CPLX2: variants seen among roughly 807,000 people sequenced by gnomAD.
CPLX2 encodes the protein complexin-2.
Under a neutral mutation model 16.3 loss-of-function variants are expected in CPLX2, and 5 were observed. The ratio of observed to expected loss-of-function variants is 0.31; its 90% CI spans 0.16 to 0.64. CPLX2 has a LOEUF of 0.64. Among genes scored for constraint, CPLX2 ranks in the 30% least tolerant of loss-of-function variants. The pLI is 0.79. For missense variants in CPLX2, 144 were observed against 181.4 expected (o/e 0.79, Z 1.18); for synonymous variants, 89 against 73.2 (o/e 1.22, Z -1.10).
chr5:175,865,090 G>GAAA (rs1561787835), intron 2 of CPLX2, among the ~76,000 whole-genome samples: 1 of 151,174 alleles, frequency 6.6e-6, no homozygotes, highest in Non-Finnish European at 1.5e-5. Flanking sequence ...GTGCGCGCGC[G>GAAA]CACACACACA....
chr5:175,861,031 A>G (rs1003158395), intron 2 of CPLX2, among the ~76,000 whole-genome samples: 5 of 151,266 alleles, frequency 3.3e-5, no homozygotes, highest in Middle Eastern at 7.1e-3. Flanking sequence ...AGGCAAGTGC[A>G]AGATTTAAAC....
intron 2 of CPLX2, among the ~76,000 whole-genome samples, chr5:175,819,834 G>A (rs904710360): frequency 6.6e-6 from 1 of 152,238 alleles, no homozygotes; most frequent in Admixed American, 6.5e-5. Flanking sequence ...CACAGAGGGT[G>A]CGGAGAGGAC....
intron 2 of CPLX2, among the ~76,000 whole-genome samples, chr5:175,825,091 G>A (rs1352277108): frequency 2.0e-5 from 3 of 151,852 alleles, no homozygotes; most frequent in African/African-American, 7.3e-5. Context: ...CTAGGGTACA[G>A]AGAAGCTTTA....
intron 2 of CPLX2, chr5:175,837,815 G>A (rs1321681886): frequency 6.6e-6 from 1 of 152,122 alleles, no homozygotes; most frequent in Non-Finnish European, 1.5e-5. Flanking sequence ...CTCCCTGTTG[G>A]TTGGGTCAGC....
intron 1 of CPLX2, among the ~76,000 whole-genome samples, chr5:175,877,221 CT>C (rs35064099): frequency 0.23 from 31,840 of 137,044 alleles, 3,768 homozygotes; most frequent in African/African-American, 0.33. Context: ...TTGTGTTTTG[CT>C]TTTTTTTTTT....
intron 1 of CPLX2, among the ~76,000 whole-genome samples, chr5:175,804,117 A>T (rs1208040306): frequency 1.3e-5 from 2 of 152,220 alleles, no homozygotes; most frequent in East Asian, 3.8e-4. Flanking sequence ...CGTGATGAAT[A>T]AAATATCAAA....
At chr5:175,818,987 T>C (rs1343638127) in intron 2 of CPLX2, among the ~76,000 whole-genome samples, 4 of 152,152 alleles carry the variant, frequency 2.6e-5, no homozygotes, top group Non-Finnish European at 5.9e-5. Flanking sequence ...CATAGATTCA[T>C]TGGCTGTTTT....
chr5:175,877,069 C>T (rs190369527), intron 1 of CPLX2, among the ~76,000 whole-genome samples: 1 of 152,170 alleles, frequency 6.6e-6, no homozygotes, highest in Non-Finnish European at 1.5e-5. Flanking sequence ...CATTCTCCTT[C>T]AAACGTCCAT....
In CPLX2 at chr5:175,809,275, G is replaced by C. The variant is rs892702115; in HGVS notation, c.-89+207G>C. On this transcript the variant is annotated intron_variant, in intron 2 of 4. Transcript: ENST00000359546. This position sits in a 1 kb window ranked among gnomAD's most constrained non-coding sequence, Gnocchi z 4.4. ...GTTTACAACAGAGAAGCACTTTCTT[G>C]TGCAATGCCTTATTCAGTGCTCCCC... The C allele has an allele frequency of 6.6e-6, 1 of 152,006 alleles. No individual in the cohort carries two copies. The highest frequency in any genetic ancestry group is 2.4e-5 in the African/African-American group (1 of 41,346). The allele number at this position is 152,006 out of a possible 1,614,324, so 9.4% of individuals were successfully genotyped here. A position where few individuals can be genotyped will look rare whatever the true frequency, so the allele number is the denominator to read the frequency against.
chr5:175,832,157 G>C (rs1758745470), intron 2 of CPLX2, among the ~76,000 whole-genome samples: 1 of 152,174 alleles, frequency 6.6e-6, no homozygotes, highest in Admixed American at 6.5e-5. Flanking sequence ...CTGTAATTTT[G>C]AGCATAGTCT....
In CPLX2 at chr5:175,881,403, G is replaced by A. The variant is rs1755594048; in HGVS notation, c.*1358G>A. The stretch of plus-strand genomic sequence containing the variant: ...TTTGGGTTGAAATTGTGTCATATGT[G>A]TGTGCTATCCATCTCGTGTTTAGAG... On this transcript the variant is annotated 3_prime_UTR_variant, in exon 4 of 4. Coordinates refer to ENST00000393745, the MANE Select transcript of CPLX2 (RefSeq NM_001008220.2). 1 of 153,548 alleles carries A rather than the reference G, an allele frequency of 6.5e-6. No individual in the cohort carries two copies. The allele number at this position is 153,548 out of a possible 1,614,324, so 9.5% of individuals were successfully genotyped here. A position where few individuals can be genotyped will look rare whatever the true frequency, so the allele number is the denominator to read the frequency against.
At chr5:175,853,379 C>T (rs1046014649) in intron 2 of CPLX2, among the ~76,000 whole-genome samples, 3 of 152,168 alleles carry the variant, frequency 2.0e-5, no homozygotes, top group Non-Finnish European at 2.9e-5. Flanking sequence ...GAAACTGGCC[C>T]CAGCGCCCCT....
chr5:175,841,645 CAT>C (rs1279743968), intron 2 of CPLX2, among the ~76,000 whole-genome samples: 4 of 152,272 alleles, frequency 2.6e-5, no homozygotes, highest in Non-Finnish European at 5.9e-5. Flanking sequence ...AGCAGGGACA[CAT>C]GAGTGCCTCT....
intron 2 of CPLX2, among the ~76,000 whole-genome samples, chr5:175,837,034 C>A (rs1194782212): frequency 6.6e-6 from 1 of 152,180 alleles, no homozygotes; most frequent in African/African-American, 2.4e-5. Flanking sequence ...CTTGGGTATC[C>A]CAAAGGAGTC....
intron 2 of CPLX2, among the ~76,000 whole-genome samples, chr5:175,816,619 G>A (rs1190453235): frequency 1.3e-5 from 2 of 152,330 alleles, no homozygotes; most frequent in African/African-American, 4.8e-5. Flanking sequence ...CTGACCTGCC[G>A]CTGGCAGTGC....
At chr5:175,810,252 A>G (rs1758286563) in intron 2 of CPLX2, among the ~76,000 whole-genome samples, 1 of 152,154 alleles carries the variant, frequency 6.6e-6, no homozygotes, top group Admixed American at 6.5e-5. Context: ...ATTGTGTAGG[A>G]GAGAAAACTG....
intron 2 of CPLX2, among the ~76,000 whole-genome samples, chr5:175,817,718 C>T (rs1758434157): frequency 6.6e-6 from 1 of 152,098 alleles, no homozygotes; most frequent in African/African-American, 2.4e-5. Flanking sequence ...CAGTCTTTGC[C>T]CTCAGGAGTT....
chr5:175,797,195 A>G lies in CPLX2; in HGVS notation c.-169+411A>G, dbSNP rs1758001483. Among the ~76,000 whole-genome samples the G allele has an allele frequency of 1.3e-5, 2 of 152,180 alleles. 1 individual carries two copies. Among genetic ancestry groups the G allele is most frequent in the South Asian group, 4.1e-4 (2 of 4,838 alleles). ...TCTCCGGCGGCACCGCGAACCGCGA[A>G]CAAAGCCGCGGGTCTGGGGCCCCCA... On this transcript the variant is annotated intron_variant, in intron 1 of 4. Transcript: ENST00000359546.
At chr5:175,836,266 C>T (rs1345897353) in intron 2 of CPLX2, among the ~76,000 whole-genome samples, 5 of 152,170 alleles carry the variant, frequency 3.3e-5, no homozygotes, top group Non-Finnish European at 5.9e-5. Flanking sequence ...AGGAGAATGG[C>T]ATGAACCCGG....
Sources: allele counts gnomAD v4.1 joint callset (sites outside exome capture counted in the v4.1 genomes callset), GRCh38; gene constraint gnomAD v4.1.1; non-coding constraint Gnocchi (gnomAD v3.1); transcripts MANE v1.5; gene names NCBI Gene and HGNC (gene_info 2026-07-23, HGNC 2026-07-21).